The following IARS1 variants were observed in gnomAD, a reference collection of about 807,000 sequenced individuals.
The protein encoded by IARS1 is isoleucine--tRNA ligase, cytoplasmic.
Under a neutral mutation model 168.2 loss-of-function variants are expected in IARS1, and 124 were observed. The ratio of observed to expected loss-of-function variants is 0.74; its 90% CI spans 0.64 to 0.86. IARS1 has a LOEUF of 0.86. Among genes scored for constraint, IARS1 ranks in the 40% least tolerant of loss-of-function variants. The pLI is 0.00. For missense variants in IARS1, 1,452 were observed against 1,515.8 expected (o/e 0.96, Z 0.70); for synonymous variants, 532 against 529.4 (o/e 1.00, Z -0.07).
chr9:92,220,048 G>A (rs1175925), intron 33 of IARS1, among the ~76,000 whole-genome samples: 1,880 of 145,576 alleles, frequency 0.013, 25 homozygotes, highest in South Asian at 0.032. Flanking sequence ...ACTGGATTAA[G>A]AAAATGTGGC....
At chr9:92,253,009 T>G (rs1408767736) in intron 21 of IARS1, among the ~76,000 whole-genome samples, 2 of 152,006 alleles carry the variant, frequency 1.3e-5, no homozygotes, top group East Asian at 3.9e-4. Context: ...AGTACCCCTC[T>G]CAATATTAAT....
At chr9:92,220,080 A>G (rs2133377238) in intron 33 of IARS1, among the ~76,000 whole-genome samples, 1 of 147,546 alleles carries the variant, frequency 6.8e-6, no homozygotes, top group South Asian at 2.2e-4. Context: ...ATGGAATACT[A>G]TGCAGCCATA....
rs1357445071 is a variant in IARS1, at chr9:92,288,722, G to A, written c.120-440C>T. Among the ~76,000 whole-genome samples, 4 of 152,078 alleles carry A rather than the reference G, an allele frequency of 2.6e-5. No individual in the cohort carries two copies. The South Asian group carries it at 6.2e-4, about 24-fold the overall frequency. On this transcript the variant is annotated intron_variant, in intron 2 of 33. Transcript: ENST00000443024. ...GGTACTTAGGTATAAGTGCCTAAAC[G>A]AGGGTGGTGATGAAAATAAAGGTGG...
chr9:92,211,100 G>C (rs1463567102), intron 33 of IARS1, among the ~76,000 whole-genome samples: 3 of 152,184 alleles, frequency 2.0e-5, no homozygotes, highest in African/African-American at 4.8e-5. Flanking sequence ...CACCAAACCT[G>C]ACAGTTGTTG....
intron 23 of IARS1, 69 bp downstream of exon 23, chr9:92,250,644 C>A: frequency 6.9e-7 from 1 of 1,458,222 alleles, no homozygotes; most frequent in Non-Finnish European, 9.2e-7. Context: ...AATCCCTCCT[C>A]TTCCCCACAT....
At chr9:92,216,273 C>T (rs1451658586) in intron 33 of IARS1, among the ~76,000 whole-genome samples, 16 of 149,552 alleles carry the variant, frequency 1.1e-4, no homozygotes, top group East Asian at 2.0e-4. Context: ...CTGAAGGAAG[C>T]GCTAAACATG....
intron 16 of IARS1, among the ~76,000 whole-genome samples, chr9:92,264,678 A>G (rs1832026921): frequency 6.6e-6 from 1 of 152,188 alleles, no homozygotes; most frequent in Non-Finnish European, 1.5e-5. Context: ...CCAGTGTAAC[A>G]CATATATTCC....
At chr9:92,224,085 C>G (rs1825248249) in intron 31 of IARS1, among the ~76,000 whole-genome samples, 1 of 152,208 alleles carries the variant, frequency 6.6e-6, no homozygotes. Flanking sequence ...ACTGCTGCAC[C>G]AGTGGCTAGA....
intron 7 of IARS1, among the ~76,000 whole-genome samples, chr9:92,279,323 G>C (rs571764777): frequency 1.1e-4 from 17 of 152,310 alleles, no homozygotes; most frequent in African/African-American, 4.1e-4. Context: ...TACACAGGTA[G>C]ATGGGTGATG....
chr9:92,261,109 G>A (rs1831462958), intron 17 of IARS1, among the ~76,000 whole-genome samples: 2 of 152,134 alleles, frequency 1.3e-5, no homozygotes, highest in African/African-American at 4.8e-5. Flanking sequence ...AGGAGCTCGA[G>A]ACCAGCCTGT....
chr9:92,278,307 A>ATGGACTTGGGTTATATTC lies in IARS1; in HGVS notation c.746-39_746-22dup, dbSNP rs749990180. On this transcript the variant is annotated intron_variant, in intron 7 of 33. Coordinates refer to ENST00000443024, the MANE Select transcript of IARS1 (RefSeq NM_002161.6). ...AACATCTACGAGAAAAAGGAAAAAC[A>ATGGACTTGGGTTATATTC]TGGACTTGGGTTATATTCTGAACTT... 1.8e-5 allele frequency: 28 copies of ATGGACTTGGGTTATATTC among 1,528,760 alleles called. No individual in the cohort carries two copies. In the African/African-American group the frequency reaches 3.8e-4, roughly 21 times the overall value. 94.7% of individuals were successfully genotyped at this position (1,528,760 alleles called of 1,614,324 possible). A position where few individuals can be genotyped will look rare whatever the true frequency, so the allele number is the denominator to read the frequency against.
intron 12 of IARS1, among the ~76,000 whole-genome samples, chr9:92,270,551 T>C (rs868614010): frequency 1.3e-5 from 2 of 152,172 alleles, no homozygotes; most frequent in South Asian, 2.1e-4. Flanking sequence ...TCTCAGCACT[T>C]TGGGAGGACA....
At chr9:92,248,989 C>T (rs1829637257) in intron 25 of IARS1, among the ~76,000 whole-genome samples, 1 of 151,956 alleles carries the variant, frequency 6.6e-6, no homozygotes, top group South Asian at 2.1e-4. Flanking sequence ...AAACTTTGAC[C>T]CCAAAACTCC....
At chr9:92,255,685 T>C (rs564256215) in intron 20 of IARS1, among the ~76,000 whole-genome samples, 5 of 152,292 alleles carry the variant, frequency 3.3e-5, no homozygotes, top group Admixed American at 2.6e-4. Context: ...GTATTATTTA[T>C]TGAGTACCTA....
At chr9:92,262,788 A>G (rs544517076) in intron 17 of IARS1, among the ~76,000 whole-genome samples, 181 bp downstream of exon 17, 1 of 152,356 alleles carries the variant, frequency 6.6e-6, no homozygotes, top group South Asian at 2.1e-4. Flanking sequence ...CAGTAGCACA[A>G]TCTGAAAGTC....
Position 92,243,243 on chromosome 9 carries a change from G to T in IARS1, c.2973C>A (p.Ile991=). ...TTTTGCGAAGTTTCTGTATGCGATT[G>T]ATGACTTCCCGAGCCATTCCTTCAT... ...MVDEGMAREV[I]NRIQKLRKKC... Residue 991 remains isoleucine (I), a synonymous_variant, in exon 28 of 34, where the codon ATC becomes ATA. Transcript: ENST00000443024. The T allele has an allele frequency of 6.2e-7, 1 of 1,613,578 alleles. No individual in the cohort carries two copies. Among genetic ancestry groups the T allele is most frequent in the East Asian group, 2.2e-5 (1 of 44,868 alleles).
chr9:92,267,413 T>A (rs965673520), intron 14 of IARS1, among the ~76,000 whole-genome samples: 1 of 152,252 alleles, frequency 6.6e-6, no homozygotes, highest in Non-Finnish European at 1.5e-5. Context: ...CTGTCAGCTT[T>A]GGACAGAAGG....
intron 9 of IARS1, among the ~76,000 whole-genome samples, chr9:92,275,354 C>G (rs1314788195): frequency 6.6e-6 from 1 of 152,196 alleles, no homozygotes; most frequent in Non-Finnish European, 1.5e-5. Context: ...ATCACACAAC[C>G]AGCAATGATG....
At chr9:92,211,707 T>G (rs1355972356) in intron 33 of IARS1, among the ~76,000 whole-genome samples, 1 of 152,182 alleles carries the variant, frequency 6.6e-6, no homozygotes, top group African/African-American at 2.4e-5. Context: ...AAAAAAAGCC[T>G]AGAGGCTGTG....
Sources: allele counts gnomAD v4.1 joint callset (sites outside exome capture counted in the v4.1 genomes callset), GRCh38; gene constraint gnomAD v4.1.1; transcripts MANE v1.5; gene names NCBI Gene and HGNC (gene_info 2026-07-23, HGNC 2026-07-21).